Variants in TBC1D32 observed in about 807,000 individuals in gnomAD.
TBC1D32 encodes protein broad-minded.
Under a neutral mutation model 170.3 loss-of-function variants are expected in TBC1D32, and 151 were observed. That is an observed-to-expected ratio of 0.89 (90% CI 0.78 to 1.01). The LOEUF (loss-of-function observed/expected upper bound fraction) is 1.01. Ranked by LOEUF, TBC1D32 falls within the 50% of genes least tolerant of loss-of-function variation. The probability of loss-of-function intolerance (pLI) is 0.00; values close to 1 mark genes in which losing one functional copy is unlikely to be tolerated. For synonymous variants in TBC1D32, 498 were observed against 488.0 expected, an observed-to-expected ratio of 1.02 and a Z score of -0.27; for missense variants, 1,464 against 1,457.1, an observed-to-expected ratio of 1.00 and a Z score of -0.08.
chr6:121,279,174 T>C lies in TBC1D32; in HGVS notation c.1680A>G (p.Glu560=). ...CATAAAGGAGTAAAATAAGCCCTTC[T>C]TCTACAGATGCAATTCTTGCCAAAA... ...AGILARIASV[E]EGLILLLYGA... The change falls in exon 15 of 32, where the codon GAA becomes GAG. Residue 560 remains glutamate, a synonymous_variant. Transcript: ENST00000398212. 1.2e-6 allele frequency: 2 copies of C among 1,611,862 alleles called. No individual in the cohort carries two copies. Among genetic ancestry groups the C allele is most frequent in the Non-Finnish European group, 8.5e-7 (1 of 1,179,008 alleles).
At chr6:121,122,556 T>A (rs1562553810) in intron 26 of TBC1D32, among the ~76,000 whole-genome samples, 4 of 148,606 alleles carry the variant, frequency 2.7e-5, no homozygotes, top group African/African-American at 7.4e-5. Context: ...TGAAGTGTGG[T>A]AAAAAAAAAA....
chr6:121,104,123 T>A (rs1778441681), intron 30 of TBC1D32, among the ~76,000 whole-genome samples: 1 of 151,768 alleles, frequency 6.6e-6, no homozygotes, highest in Admixed American at 6.6e-5. Context: ...ATAAAGTTTC[T>A]TCAAAATAAA....
chr6:121,160,675 C>T (rs994286718), intron 23 of TBC1D32, among the ~76,000 whole-genome samples: 10 of 151,974 alleles, frequency 6.6e-5, no homozygotes, highest in Admixed American at 5.2e-4. Context: ...TATTCAAAGG[C>T]GCATAAGAAA....
intron 20 of TBC1D32, among the ~76,000 whole-genome samples, chr6:121,229,180 G>A (rs1168572570): frequency 2.0e-5 from 3 of 152,002 alleles, no homozygotes; most frequent in Non-Finnish European, 4.4e-5. Flanking sequence ...TACCTCGCCT[G>A]CCCTCCCTCC....
chr6:121,325,161 G>A (rs144252182), intron 1 of TBC1D32, among the ~76,000 whole-genome samples: 2,262 of 148,826 alleles, frequency 0.015, 41 homozygotes, highest in African/African-American at 0.045. Context: ...GCAGTGAGCC[G>A]AGATTGTGCC....
chr6:121,206,300 T>C (rs1792266815), intron 21 of TBC1D32, among the ~76,000 whole-genome samples: 1 of 152,176 alleles, frequency 6.6e-6, no homozygotes, highest in Admixed American at 6.6e-5. Context: ...AGAAATTTAT[T>C]TATAGACAAA....
intron 17 of TBC1D32, among the ~76,000 whole-genome samples, chr6:121,252,771 G>A (rs1444810834): frequency 6.6e-6 from 1 of 152,022 alleles, no homozygotes; most frequent in African/African-American, 2.4e-5. Context: ...GTAGACCAAT[G>A]GAACAGAATA....
intron 21 of TBC1D32, among the ~76,000 whole-genome samples, chr6:121,216,155 C>T (rs1793797271): frequency 6.6e-6 from 1 of 152,136 alleles, no homozygotes. Flanking sequence ...TGGGAACCAT[C>T]AAATCAGCTG....
At chr6:121,112,383 A>C in intron 29 of TBC1D32, 122 bp downstream of exon 29, 1 of 858,132 alleles carries the variant, frequency 1.2e-6, no homozygotes, top group Non-Finnish European at 1.6e-6. Flanking sequence ...AAAAACATTC[A>C]AGTAGAAAAA....
chr6:121,310,714 T>A lies in TBC1D32; in HGVS notation c.564+65A>T. 2.8e-6 allele frequency: 3 copies of A among 1,057,230 alleles called. No individual in the cohort carries two copies. The South Asian group carries it at 4.1e-5, about 15-fold the overall frequency. The allele number at this position is 1,057,230 out of a possible 1,614,324, so 65.5% of individuals were successfully genotyped here. On this transcript the variant is annotated intron_variant, in intron 4 of 31. Coordinates refer to ENST00000398212, the MANE Select transcript of TBC1D32 (RefSeq NM_152730.6). ...GGGAAACAACCTGGTTGCTACTGAT[T>A]GTAATCTCATATATTGTAAATGTAT... is the stretch of plus-strand genomic sequence containing the variant.
chr6:121,281,470 G>T, intron 14 of TBC1D32, 74 bp downstream of exon 14: 1 of 1,191,270 alleles, frequency 8.4e-7, no homozygotes, highest in Non-Finnish European at 1.2e-6. Flanking sequence ...TTCAAATTTA[G>T]AAATAAAGTC....
chr6:121,169,511 TA>T (rs1786648652), intron 22 of TBC1D32, among the ~76,000 whole-genome samples: 2 of 152,312 alleles, frequency 1.3e-5, no homozygotes, highest in Admixed American at 1.3e-4. Context: ...TGACATTAAT[TA>T]AAGAATACTT....
chr6:121,087,087 C>A (rs1776336437), intron 31 of TBC1D32, among the ~76,000 whole-genome samples: 1 of 152,156 alleles, frequency 6.6e-6, no homozygotes, highest in Non-Finnish European at 1.5e-5. Flanking sequence ...CCATTAATCA[C>A]CACAGCATGA....
At chr6:121,331,085 C>G (rs1811150513) in intron 1 of TBC1D32, among the ~76,000 whole-genome samples, 2 of 152,218 alleles carry the variant, frequency 1.3e-5, no homozygotes, top group Admixed American at 6.5e-5. Flanking sequence ...CCAAATGACA[C>G]TTTCCCTCAC....
rs1436942876 is a variant in TBC1D32 at position 121,289,730 on chromosome 6, G to A, written c.1372+2323C>T. ...AAAAGAACAAAGCTGGAGGCATCAG[G>A]CTACCTGACTTCAAACTATACTACA... is the stretch of plus-strand genomic sequence containing the variant. On this transcript the variant is annotated intron_variant, in intron 12 of 31. Transcript: ENST00000398212. Among the ~76,000 whole-genome samples the A allele has an allele frequency of 7.2e-5, 11 of 152,154 alleles. No individual in the cohort carries two copies. In the East Asian group the frequency reaches 7.7e-4, roughly 11 times the overall value.
chr6:121,155,976 C>CT (rs1160706182), intron 24 of TBC1D32, among the ~76,000 whole-genome samples: 7 of 151,920 alleles, frequency 4.6e-5, no homozygotes, highest in African/African-American at 7.2e-5. Context: ...CCTAAAGTTT[C>CT]TTTTTTTGTT....
intron 31 of TBC1D32, among the ~76,000 whole-genome samples, chr6:121,089,004 T>A (rs973145084): frequency 1.3e-5 from 2 of 152,148 alleles, no homozygotes; most frequent in Non-Finnish European, 2.9e-5. Flanking sequence ...GAGATGAAAC[T>A]GTAAATCAAC....
chr6:121,085,302 T>TATATACATAC (rs1776116585), intron 31 of TBC1D32, among the ~76,000 whole-genome samples: 1 of 145,332 alleles, frequency 6.9e-6, no homozygotes, highest in South Asian at 2.1e-4. Context: ...TATACATACA[T>TATATACATAC]ATATATACAT....
chr6:121,334,242 GT>G, intron 1 of TBC1D32, 33 bp downstream of exon 1: 1 of 1,591,378 alleles, frequency 6.3e-7, no homozygotes, highest in Non-Finnish European at 8.6e-7. Flanking sequence ...TGGATCGATG[GT>G]TTATAGGCTT....
Sources: gnomAD v4.1 joint callset for allele counts (sites outside exome capture counted in the v4.1 genomes callset) on GRCh38, gnomAD v4.1.1 for gene constraint, MANE v1.5 for transcripts, NCBI Gene and HGNC (gene_info 2026-07-23, HGNC 2026-07-21) for gene names.